The following NCOR1 variants were observed in gnomAD, a reference collection of about 807,000 sequenced individuals.
The protein encoded by NCOR1 is nuclear receptor corepressor 1.
A neutral mutation model predicts 288.1 loss-of-function variants in NCOR1; 63 were observed. The observed-to-expected ratio is 0.22, with a 90% confidence interval of 0.18 to 0.27. The LOEUF is 0.27. Among genes scored for constraint, NCOR1 ranks in the 10% least tolerant of loss-of-function variants. The pLI is 1.00. For synonymous variants in NCOR1, 1,007 were observed against 1,065.9 expected, an observed-to-expected ratio of 0.94 and a Z score of 1.08; for missense variants, 2,397 against 3,019.2, an observed-to-expected ratio of 0.79 and a Z score of 4.83.
chr17:16,126,107 C>T lies in NCOR1; in HGVS notation c.1609G>A (p.Glu537Lys), dbSNP rs2153189942. The T allele has an allele frequency of 1.4e-6, 2 of 1,399,166 alleles. No individual in the cohort carries two copies. The highest frequency in any genetic ancestry group is 1.9e-6 in the Non-Finnish European group (2 of 1,028,396). 86.7% of individuals were successfully genotyped at this position (1,399,166 alleles called of 1,614,324 possible). The change falls in exon 15 of 46, where the codon GAA becomes AAA. Residue 537 changes from glutamate (E) to lysine (K), a missense_variant. Around this residue, in one of 11 missense-constraint regions of NCOR1, gnomAD observed 113 missense variants for 139.5 expected, o/e 0.81. Transcript: ENST00000268712. ...KKEEEKKDEEEKDEKEDSKEN... is the reference protein window; with the variant it reads ...KKEEEKKDEEKKDEKEDSKEN... ...TTGGAGTCTTCTTTTTCATCTTTTT[C>T]CTCTTCATCTTTCTTTTCTTCTTCT...
At chr17:16,053,611 G>A (rs1440002117) in intron 40 of NCOR1, among the ~76,000 whole-genome samples, 3 of 152,032 alleles carry the variant, frequency 2.0e-5, no homozygotes, top group Non-Finnish European at 2.9e-5. Context: ...TAAAATGGCC[G>A]TACTGCCCAA....
chr17:16,090,189 G>A (rs1211712377), intron 22 of NCOR1, among the ~76,000 whole-genome samples: 6 of 152,016 alleles, frequency 3.9e-5, no homozygotes, highest in East Asian at 1.9e-4. Context: ...AAAAGATATT[G>A]AGGCTTTAAA....
intron 14 of NCOR1, among the ~76,000 whole-genome samples, chr17:16,131,239 G>GGTCTCAAACCTCCCAGGCTC (rs2075590532): frequency 6.8e-6 from 1 of 148,006 alleles, no homozygotes; most frequent in South Asian, 2.2e-4. Flanking sequence ...TGTCCAGGCT[G>GGTCTCAAACCTCCCAGGCTC]GTCTCAAACC....
At chr17:16,183,876 A>G (rs750629823) in intron 3 of NCOR1, among the ~76,000 whole-genome samples, 3 of 152,202 alleles carry the variant, frequency 2.0e-5, no homozygotes, top group Non-Finnish European at 2.9e-5. Flanking sequence ...TGGTATTGGC[A>G]TAAAAATAGA....
chr17:16,070,859 G>C (rs1302832719), intron 30 of NCOR1, among the ~76,000 whole-genome samples: 7 of 152,068 alleles, frequency 4.6e-5, no homozygotes, highest in Admixed American at 2.6e-4. Flanking sequence ...GAGAAACCCT[G>C]TCTCTCCTAA....
At chr17:16,147,317 G>A (rs1225589855) in intron 9 of NCOR1, among the ~76,000 whole-genome samples, 2 of 152,010 alleles carry the variant, frequency 1.3e-5, no homozygotes, top group Non-Finnish European at 2.9e-5. Context: ...GCTGAGGCGG[G>A]AGAATCGCTT....
chr17:16,063,939 T>C (rs1054535210), intron 35 of NCOR1, 129 bp downstream of exon 35: 4 of 1,251,736 alleles, frequency 3.2e-6, no homozygotes, highest in Non-Finnish European at 4.3e-6. Flanking sequence ...TGTTTTTCAC[T>C]TGGGGCCTGT....
At chr17:16,058,231 T>A (rs1230195873) in intron 38 of NCOR1, 167 bp from the exon 39 acceptor site, 51 of 909,006 alleles carry the variant, frequency 5.6e-5, no homozygotes, top group Non-Finnish European at 6.2e-5. Flanking sequence ...ACTGAAGAAG[T>A]CTGAGGACTA....
chr17:16,186,491 AT>A, intron 3 of NCOR1, 62 bp downstream of exon 3: 1 of 1,503,512 alleles, frequency 6.7e-7, no homozygotes, highest in Non-Finnish European at 9.0e-7. Context: ...AAATAAAATA[AT>A]GACAAACTTG....
At chr17:16,163,698 A>G (rs1200442428) in intron 5 of NCOR1, among the ~76,000 whole-genome samples, 1 of 152,250 alleles carries the variant, frequency 6.6e-6, no homozygotes, top group Non-Finnish European at 1.5e-5. Context: ...AAAAACGAGT[A>G]CATGAATCTC....
At chr17:16,109,022 G>A in intron 18 of NCOR1, 110 bp from the exon 19 acceptor site, 1 of 869,558 alleles carries the variant, frequency 1.2e-6, no homozygotes, top group South Asian at 2.9e-5. Context: ...AGACAAGGAG[G>A]TCACATGTTT....
At chr17:16,165,521 G>C (rs558739448) in intron 4 of NCOR1, among the ~76,000 whole-genome samples, 2 of 152,272 alleles carry the variant, frequency 1.3e-5, no homozygotes, top group Non-Finnish European at 2.9e-5. Context: ...TCTTCAAATG[G>C]TCTGAACAAC....
chr17:16,210,244 C>A (rs1009099247), intron 1 of NCOR1, among the ~76,000 whole-genome samples: 1 of 151,768 alleles, frequency 6.6e-6, no homozygotes, highest in Admixed American at 6.6e-5. Flanking sequence ...ATTAGCAGGG[C>A]GTGGTGGTGC....
chr17:16,067,110 A>C (rs2061215243), intron 32 of NCOR1, among the ~76,000 whole-genome samples: 1 of 152,172 alleles, frequency 6.6e-6, no homozygotes. Flanking sequence ...GTACCAACCG[A>C]TGTGACTGCT....
chr17:16,175,794 G>A (rs1487051586), intron 3 of NCOR1, among the ~76,000 whole-genome samples: 1 of 150,596 alleles, frequency 6.6e-6, no homozygotes, highest in African/African-American at 2.5e-5. Flanking sequence ...TGAGGCAGGA[G>A]GATCACTTGA....
At position 16,075,561 on chromosome 17, in the gene NCOR1, T is replaced by C. The variant is rs1215484026; in HGVS notation, c.3643A>G (p.Lys1215Glu). ...TCATATGACAAGATATGTCCACTTTTGCCTTCATAAATAACATGGCCTTTG... is the reference window on the plus strand; with the variant it reads ...TCATATGACAAGATATGTCCACTTTCGCCTTCATAAATAACATGGCCTTTG... Reference protein sequence around the residue: ...ASKGHVIYEGKSGHILSYDNI... With the variant: ...ASKGHVIYEGESGHILSYDNI... The change falls in exon 27 of 46, where the codon AAA becomes GAA. Residue 1215 changes from lysine to glutamate, a missense_variant. By Grantham distance (56) the Lys-to-Glu change is moderately conservative (BLOSUM62 1). Coordinates refer to ENST00000268712, the MANE Select transcript of NCOR1 (RefSeq NM_006311.4). 1 of 1,614,140 alleles carries C rather than the reference T, an allele frequency of 6.2e-7. No homozygotes were observed. The highest frequency in any genetic ancestry group is 8.5e-7 in the Non-Finnish European group (1 of 1,180,050).
At chr17:16,152,142 A>C in intron 7 of NCOR1, 144 bp from the exon 8 acceptor site, 1 of 512,960 alleles carries the variant, frequency 1.9e-6, no homozygotes, top group Non-Finnish European at 3.3e-6. Flanking sequence ...CCAAACTTTT[A>C]TTTTTTTATT....
At chr17:16,103,973 C>T (rs1230645676) in intron 19 of NCOR1, among the ~76,000 whole-genome samples, 1 of 152,226 alleles carries the variant, frequency 6.6e-6, no homozygotes, top group African/African-American at 2.4e-5. Context: ...TCATGCCAGC[C>T]TGGGCAACAA....
chr17:16,040,323 T>A (rs2057326206), intron 43 of NCOR1, 118 bp downstream of exon 43: 1 of 844,014 alleles, frequency 1.2e-6, no homozygotes, highest in South Asian at 1.4e-5. Flanking sequence ...TATTTATTTA[T>A]TTTTCCATAT....
Sources: gnomAD v4.1 joint callset for allele counts (sites outside exome capture counted in the v4.1 genomes callset) on GRCh38, gnomAD v4.1.1 for gene constraint, gnomAD v4.1.1 regional missense constraint, MANE v1.5 for transcripts, NCBI Gene and HGNC (gene_info 2026-07-23, HGNC 2026-07-21) for gene names.